Variants in SQLE observed in about 807,000 individuals in gnomAD.
The protein encoded by SQLE is squalene monooxygenase.
In SQLE, 29 loss-of-function variants were observed where a neutral mutation model predicts 60.7. The ratio of observed to expected loss-of-function variants is 0.48; its 90% CI spans 0.36 to 0.65. SQLE has a LOEUF of 0.65. Ranked by LOEUF, SQLE falls within the 30% of genes least tolerant of loss-of-function variation. SQLE has a pLI of 0.00. For synonymous variants in SQLE, 237 were observed against 246.8 expected (o/e 0.96, Z 0.37); for missense variants, 605 against 684.1 (o/e 0.88, Z 1.29).
At chr8:125,021,707 A>G (rs1156522816) in intron 10 of SQLE, 46 bp from the exon 11 acceptor site, 8 of 1,401,020 alleles carry the variant, frequency 5.7e-6, no homozygotes, top group Non-Finnish European at 5.8e-6. Context: ...TTTGGAGTAA[A>G]TTTTAGTTTC....
chr8:125,013,356 C>CTTTTTCTTTTTTTTT (rs71576761), intron 7 of SQLE, among the ~76,000 whole-genome samples: 4 of 136,434 alleles, frequency 2.9e-5, no homozygotes, highest in African/African-American at 1.1e-4. Flanking sequence ...TTTTCTTTTT[C>CTTTTTCTTTTTTTTT]TTTTTTTTTT....
Position 125,003,417 on chromosome 8 carries a change from T to C in SQLE, c.533T>C (p.Leu178Pro). ...GGTGGTTATCATGTTCTCAAAGACC[T>C]TGGTCTTGGAGGTAGGTTCATATTG... is the stretch of plus-strand genomic sequence containing the variant. ...QPGGYHVLKD[L>P]GLGDTVEGLD... Residue 178 changes from leucine (L) to proline (P), a missense_variant, in exon 2 of 11, where the codon CTT (leucine) becomes CCT (proline). Transcript: ENST00000265896. 6.2e-7 allele frequency: 1 copy of C among 1,613,948 alleles called. No homozygotes were observed. Among genetic ancestry groups the C allele is most frequent in the Non-Finnish European group, 8.5e-7 (1 of 1,179,846 alleles).
rs182080432 is a variant in SQLE at position 125,020,848 on chromosome 8, G to A, written c.1509G>A (p.Ala503=). 3.1e-6 allele frequency: 5 copies of A among 1,613,114 alleles called. No homozygotes were observed. Among genetic ancestry groups the A allele is most frequent in the African/African-American group, 1.3e-5 (1 of 74,874 alleles). The change falls in exon 10 of 11, where the codon GCG becomes GCA. Residue 503 remains alanine, a synonymous_variant. Coordinates refer to ENST00000265896, the MANE Select transcript of SQLE (RefSeq NM_003129.4). ...TCAAACTTGGTGGCGAATGTGTTGC[G>A]GGTCCTGTTGGGCTGCTTTCTGTGT... ...LYFKLGGECV[A]GPVGLLSVLS...
Position 125,008,980 on chromosome 8 carries a change from G to A in SQLE, c.832G>A (p.Ala278Thr). The change falls in exon 5 of 11, where the codon GCT becomes ACT. Residue 278 changes from alanine to threonine, a missense_variant. Physicochemically the swap from Ala to Thr is moderately conservative, Grantham distance 58 (BLOSUM62 0). Coordinates refer to ENST00000265896, the MANE Select transcript of SQLE (RefSeq NM_003129.4). The stretch of plus-strand genomic sequence containing the variant: ...TTCATTTCTGTTATAGGAACTCCAT[G>A]CTCCACTGACTGTTGTTGCAGATGG... ...KETGDIKELH[A>T]PLTVVADGLF... 1 of 1,571,642 alleles carries A rather than the reference G, an allele frequency of 6.4e-7. No homozygotes were observed. The highest frequency in any genetic ancestry group is 1.2e-5 in the South Asian group (1 of 82,724).
intron 9 of SQLE, chr8:125,019,006 T>TGG (rs1815158232): frequency 3.2e-6 from 1 of 309,686 alleles, no homozygotes; most frequent in African/African-American, 2.2e-5. Flanking sequence ...ATGCTTGTCC[T>TGG]CACACACACA....
Position 125,021,948 on chromosome 8 carries a change from T to G in SQLE, c.*3T>G. Reference sequence around the variant, plus strand: ...AAATGAAGTATATGGTTCATTAAGCTTAAAGGGGAACCATTTGTGAATGAA... The same window carrying G: ...AAATGAAGTATATGGTTCATTAAGCGTAAAGGGGAACCATTTGTGAATGAA... On this transcript the variant is annotated 3_prime_UTR_variant, in exon 11 of 11. Coordinates refer to ENST00000265896, the MANE Select transcript of SQLE (RefSeq NM_003129.4). 1 of 1,579,010 alleles carries G rather than the reference T, an allele frequency of 6.3e-7. No homozygotes were observed. Among genetic ancestry groups the G allele is most frequent in the Non-Finnish European group, 8.6e-7 (1 of 1,159,824 alleles).
chr8:125,020,551 CT>C (rs1397248848), intron 9 of SQLE, among the ~76,000 whole-genome samples: 1 of 152,052 alleles, frequency 6.6e-6, no homozygotes, highest in Non-Finnish European at 1.5e-5. Context: ...CTTCCAAGAC[CT>C]AAATATTAGT....
At chr8:125,021,639 TTG>T in intron 10 of SQLE, 112 bp from the exon 11 acceptor site, 1 of 726,612 alleles carries the variant, frequency 1.4e-6, no homozygotes, top group African/African-American at 1.8e-5. Context: ...ATTATGATGC[TTG>T]GGTAAAAAAA....
At chr8:125,004,727 T>C (rs36090120) in intron 2 of SQLE, among the ~76,000 whole-genome samples, 47,842 of 151,908 alleles carry the variant, frequency 0.31, 8,697 homozygotes, top group African/African-American at 0.49. Context: ...GTATTAATCT[T>C]TTGTTCTATT....
rs759552395 is a variant in SQLE at position 124,999,622 on chromosome 8, G to A, written c.219G>A (p.Leu73=). 6 of 1,613,212 alleles carry A rather than the reference G, an allele frequency of 3.7e-6. No homozygotes were observed. In the Admixed American group the frequency reaches 1.0e-4, roughly 27 times the overall value. Residue 73 remains leucine (L), a synonymous_variant, in exon 1 of 11, where the codon CTG becomes CTA. Coordinates refer to ENST00000265896, the MANE Select transcript of SQLE (RefSeq NM_003129.4). ...TCTTCTCGGATATTCTCTCAGGCCT[G>A]CCTTTCATTGGCTTCTTCTGGGCCA... The part of the protein sequence containing the change: ...FALFSDILSG[L]PFIGFFWAKS...
chr8:125,011,255 C>G (rs1588114379), intron 6 of SQLE: 1 of 219,360 alleles, frequency 4.6e-6, no homozygotes, highest in Middle Eastern at 1.6e-3. Flanking sequence ...CTCCCTGTTT[C>G]ATTTCATCTG....
Position 125,007,381 on chromosome 8 carries a change from T to C in SQLE, c.726-10T>C. ...GCTGCTTTAGAAATGTATTTTTTTT[T>C]ATTCTTTAGTGCAAAGTTTATTGAA... is the stretch of plus-strand genomic sequence containing the variant. On this transcript the variant is annotated splice_polypyrimidine_tract_variant and intron_variant, in intron 3 of 10. Coordinates refer to ENST00000265896, the MANE Select transcript of SQLE (RefSeq NM_003129.4). The C allele has an allele frequency of 6.6e-7, 1 of 1,517,128 alleles. No homozygotes were observed. Among genetic ancestry groups the C allele is most frequent in the Non-Finnish European group, 8.9e-7 (1 of 1,129,426 alleles). The allele number at this position is 1,517,128 out of a possible 1,614,324, so 94.0% of individuals were successfully genotyped here.
intron 7 of SQLE, among the ~76,000 whole-genome samples, chr8:125,015,245 A>G (rs1815093687): frequency 6.6e-6 from 1 of 152,084 alleles, no homozygotes; most frequent in Admixed American, 6.6e-5. Flanking sequence ...TTTGCATGGA[A>G]TATCTTTTTC....
intron 7 of SQLE, among the ~76,000 whole-genome samples, chr8:125,012,637 A>G (rs1209455514): frequency 1.3e-5 from 2 of 152,160 alleles, no homozygotes; most frequent in Non-Finnish European, 2.9e-5. Flanking sequence ...GCTATATTAC[A>G]TTTTGTTTAG....
At chr8:125,000,139 C>T (rs1814819385) in intron 1 of SQLE, 1 of 429,680 alleles carries the variant, frequency 2.3e-6, no homozygotes, top group Non-Finnish European at 4.6e-6. Context: ...GAAAAGCAGG[C>T]AGAAGGAGAA....
chr8:124,998,737 A>G lies in SQLE; in HGVS notation c.-667A>G. 1.8e-6 allele frequency: 1 copy of G among 565,026 alleles called. No individual in the cohort carries two copies. Among genetic ancestry groups the G allele is most frequent in the South Asian group, 2.0e-5 (1 of 50,048 alleles). 35.0% of individuals were successfully genotyped at this position (565,026 alleles called of 1,614,324 possible). A position where few individuals can be genotyped will look rare whatever the true frequency, so the allele number is the denominator to read the frequency against. ...CGAAACGGGAGGCCTCTAAATCTTT[A>G]GGTTGGGGCTGCATTGCCCTGGAGC... On this transcript the variant is annotated 5_prime_UTR_variant, in exon 1 of 11. Transcript: ENST00000265896.
chr8:125,002,181 G>A (rs978459026), intron 1 of SQLE, among the ~76,000 whole-genome samples: 2 of 152,126 alleles, frequency 1.3e-5, no homozygotes, highest in African/African-American at 4.8e-5. Context: ...GTGCTTATAT[G>A]TTAAGGACCA....
Position 125,011,557 on chromosome 8 carries a change from T to C in SQLE, c.1129T>C (p.Leu377=). Residue 377 remains leucine, a synonymous_variant, in exon 7 of 11, where the codon TTA becomes CTA. Coordinates refer to ENST00000265896, the MANE Select transcript of SQLE (RefSeq NM_003129.4). Reference sequence around the variant, plus strand: ...TGCAGATCACCTGAAAGAACCATTCTTAGAAGCCACTGACAATTCTCATCT... The same window carrying C: ...TGCAGATCACCTGAAAGAACCATTCCTAGAAGCCACTGACAATTCTCATCT... ...QIPDHLKEPF[L]EATDNSHLRS... 6.3e-7 allele frequency: 1 copy of C among 1,585,194 alleles called. No homozygotes were observed.
Position 124,999,338 on chromosome 8 carries a change from A to C in SQLE, c.-66A>C. Reference sequence around the variant, plus strand: ...CCTCTTGGTACCTCATTTTGGGGAGAACCTTAAACCCACTCGAGCAGATAA... The same window carrying C: ...CCTCTTGGTACCTCATTTTGGGGAGCACCTTAAACCCACTCGAGCAGATAA... On this transcript the variant is annotated 5_prime_UTR_variant, in exon 1 of 11. Transcript: ENST00000265896. 7.1e-7 allele frequency: 1 copy of C among 1,401,774 alleles called. No individual in the cohort carries two copies. The highest frequency in any genetic ancestry group is 1.8e-5 in the South Asian group (1 of 54,168). 86.8% of individuals were successfully genotyped at this position (1,401,774 alleles called of 1,614,324 possible).
Sources: allele counts gnomAD v4.1 joint callset (sites outside exome capture counted in the v4.1 genomes callset), GRCh38; gene constraint gnomAD v4.1.1; transcripts MANE v1.5; gene names NCBI Gene and HGNC (gene_info 2026-07-23, HGNC 2026-07-21).